MARCHF1: variants seen among roughly 807,000 people sequenced by gnomAD.
MARCHF1 encodes the protein membrane associated ring-CH-type finger 1.
Under a neutral mutation model 54.2 loss-of-function variants are expected in MARCHF1, and 40 were observed. The ratio of observed to expected loss-of-function variants is 0.74; its 90% CI spans 0.57 to 0.96. The LOEUF is 0.96. Ranked by LOEUF, MARCHF1 falls within the 40% of genes least tolerant of loss-of-function variation. MARCHF1 has a pLI of 0.00. For synonymous variants in MARCHF1, 236 were observed against 236.3 expected, an observed-to-expected ratio of 1.00 and a Z score of 0.01; for missense variants, 586 against 656.5, an observed-to-expected ratio of 0.89 and a Z score of 1.17.
At chr4:163,761,227 G>A (rs1746817974) in intron 4 of MARCHF1, among the ~76,000 whole-genome samples, 1 of 152,182 alleles carries the variant, frequency 6.6e-6, no homozygotes, top group Admixed American at 6.5e-5. Flanking sequence ...ATATAGATTT[G>A]ATGTTATACA....
intron 4 of MARCHF1, among the ~76,000 whole-genome samples, chr4:163,776,710 A>G (rs901304298): frequency 1.3e-5 from 2 of 152,158 alleles, no homozygotes; most frequent in South Asian, 2.1e-4. Context: ...TATACACAGA[A>G]GATACTCAAG....
At chr4:164,255,103 G>A (rs1308101346) in intron 1 of MARCHF1, among the ~76,000 whole-genome samples, 1 of 152,108 alleles carries the variant, frequency 6.6e-6, no homozygotes, top group Non-Finnish European at 1.5e-5. Flanking sequence ...CAAAACTGGT[G>A]AAATCTGTAG....
intron 2 of MARCHF1, among the ~76,000 whole-genome samples, chr4:163,994,257 AGTGTGTGTGTGTGTGTGTGT>A (rs769035806): frequency 8.0e-5 from 11 of 137,128 alleles, no homozygotes; most frequent in African/African-American, 1.4e-4. Flanking sequence ...ATAGAGAAAA[AGTGTGTGTGTGTGTGTGTGT>A]GTGTGTGTGT....
rs1398348073 is a variant in MARCHF1, at chr4:163,612,867, C to T, written c.414G>A (p.Gly138=). The T allele has an allele frequency of 6.5e-7, 1 of 1,535,224 alleles. No individual in the cohort carries two copies. The highest frequency in any genetic ancestry group is 2.0e-5 in the Admixed American group (1 of 50,894). ...TTTGAAGGTGAAAGTCATTTTTTCT[C>T]CCTCTTATTTGTTCTTCTGCAGCAT... ...YEHAAEEQIR[G]RKNDFHLQIS... The change falls in exon 7 of 10, where the codon GGG becomes GGA. Residue 138 remains glycine (G), a synonymous_variant. Transcript: ENST00000514618.
intron 1 of MARCHF1, among the ~76,000 whole-genome samples, chr4:164,338,843 G>A (rs189892225): frequency 2.2e-4 from 34 of 152,102 alleles, no homozygotes; most frequent in African/African-American, 4.8e-5. Flanking sequence ...TTGGTGGTAC[G>A]TGCCTGTAAT....
intron 2 of MARCHF1, among the ~76,000 whole-genome samples, chr4:164,101,196 G>T (rs990080746): frequency 6.6e-6 from 1 of 152,196 alleles, no homozygotes; most frequent in African/African-American, 2.4e-5. Flanking sequence ...AGGGGCACCC[G>T]CCATTGCCCA....
At chr4:164,217,991 T>C (rs1348000336) in intron 1 of MARCHF1, among the ~76,000 whole-genome samples, 2 of 152,114 alleles carry the variant, frequency 1.3e-5, no homozygotes, top group South Asian at 2.1e-4. Flanking sequence ...TATTTCATCA[T>C]AAAGGTCTTA....
At chr4:164,096,290 T>C (rs1755410604) in intron 2 of MARCHF1, among the ~76,000 whole-genome samples, 1 of 152,138 alleles carries the variant, frequency 6.6e-6, no homozygotes, top group Non-Finnish European at 1.5e-5. Context: ...CTGGAGGTCA[T>C]TATCCTAAGC....
intron 2 of MARCHF1, among the ~76,000 whole-genome samples, chr4:164,018,285 A>G (rs1247109968): frequency 6.6e-6 from 1 of 152,062 alleles, no homozygotes; most frequent in Admixed American, 6.5e-5. Flanking sequence ...ATAAAAATTG[A>G]TAACTTTATT....
intron 1 of MARCHF1, among the ~76,000 whole-genome samples, chr4:164,239,525 C>T (rs965461299): frequency 4.6e-5 from 7 of 152,024 alleles, no homozygotes; most frequent in Non-Finnish European, 1.0e-4. Context: ...TCAGATAGTC[C>T]TTGACAACTT....
At chr4:164,344,950 C>A (rs1175174500) in intron 1 of MARCHF1, among the ~76,000 whole-genome samples, 3 of 152,144 alleles carry the variant, frequency 2.0e-5, no homozygotes, top group Non-Finnish European at 4.4e-5. Flanking sequence ...ATGAAGTTTT[C>A]TCTTTGGCAA....
Position 163,680,317 on chromosome 4 carries a change from G to A in MARCHF1, c.162+20496C>T, listed in dbSNP as rs1008856109. On this transcript the variant is annotated intron_variant, in intron 5 of 9. Transcript: ENST00000514618. The stretch of plus-strand genomic sequence containing the variant: ...ACTAAGCTTACGCTTAACCTACCCA[G>A]AAAGCCTTTTGAGATACCACAGTCC... Among the ~76,000 whole-genome samples the A allele has an allele frequency of 2.0e-5, 3 of 152,302 alleles. No individual in the cohort carries two copies. The East Asian group carries it at 5.8e-4, about 29-fold the overall frequency.
intron 3 of MARCHF1, among the ~76,000 whole-genome samples, chr4:163,981,563 T>C (rs1752763507): frequency 6.6e-6 from 1 of 152,172 alleles, no homozygotes; most frequent in African/African-American, 2.4e-5. Context: ...TTATGAAGGC[T>C]GCTGCAAGTG....
chr4:163,892,108 A>G (rs1750674373), intron 3 of MARCHF1, among the ~76,000 whole-genome samples: 1 of 152,192 alleles, frequency 6.6e-6, no homozygotes, highest in African/African-American at 2.4e-5. Flanking sequence ...TTATGTCCAA[A>G]TAGCTTAATT....
intron 7 of MARCHF1, among the ~76,000 whole-genome samples, chr4:163,586,750 T>C (rs1285072348): frequency 1.3e-5 from 2 of 152,242 alleles, no homozygotes; most frequent in Non-Finnish European, 2.9e-5. Flanking sequence ...TATCATTTGG[T>C]AAACTTTATT....
chr4:164,193,116 C>T (rs1054017511), intron 1 of MARCHF1, among the ~76,000 whole-genome samples: 1 of 152,074 alleles, frequency 6.6e-6, no homozygotes, highest in African/African-American at 2.4e-5. Context: ...GCTTATTTGA[C>T]CTCTGAAGGA....
At chr4:163,845,591 A>G (rs79135894) in intron 4 of MARCHF1, among the ~76,000 whole-genome samples, 4,054 of 152,210 alleles carry the variant, frequency 0.027, 173 homozygotes, top group African/African-American at 0.092. Flanking sequence ...TCTAAACACT[A>G]TACACACATA....
intron 7 of MARCHF1, among the ~76,000 whole-genome samples, chr4:163,611,930 A>G (rs905044089): frequency 3.9e-5 from 6 of 152,052 alleles, no homozygotes; most frequent in Non-Finnish European, 8.8e-5. Flanking sequence ...TTTGCATTGA[A>G]AAGTCTAACA....
chr4:164,091,410 T>A (rs952156125), intron 2 of MARCHF1, among the ~76,000 whole-genome samples: 3 of 136,926 alleles, frequency 2.2e-5, no homozygotes, highest in East Asian at 4.2e-4. Flanking sequence ...TCACCAAGTT[T>A]TATATATATA....
Sources: allele counts gnomAD v4.1 joint callset (sites outside exome capture counted in the v4.1 genomes callset), GRCh38; gene constraint gnomAD v4.1.1; transcripts MANE v1.5; gene names NCBI Gene and HGNC (gene_info 2026-07-23, HGNC 2026-07-21).